The following AGBL5 variants were observed in gnomAD, a reference collection of about 807,000 sequenced individuals.
AGBL5 encodes cytosolic carboxypeptidase-like protein 5.
A neutral mutation model predicts 88.0 loss-of-function variants in AGBL5; 51 were observed. That is an observed-to-expected ratio of 0.58 (90% CI 0.46 to 0.73). AGBL5 has a LOEUF of 0.73. Ranked by LOEUF, AGBL5 falls within the 30% of genes least tolerant of loss-of-function variation. The pLI, the probability that AGBL5 is intolerant of heterozygous loss-of-function variation, is 0.00. For missense variants in AGBL5, 1,031 were observed against 1,162.2 expected, an observed-to-expected ratio of 0.89 and a Z score of 1.64; for synonymous variants, 446 against 438.8, an observed-to-expected ratio of 1.02 and a Z score of -0.21.
Position 27,053,371 on chromosome 2 carries a change from G to A in AGBL5, c.216-31G>A, listed in dbSNP as rs375548746. ...GACCATATCTCCAACCCTTCCACAC[G>A]TAATGACCTCTCTCTTACTCTGGTC... On this transcript the variant is annotated intron_variant, in intron 2 of 14. Coordinates refer to ENST00000360131, the MANE Select transcript of AGBL5 (RefSeq NM_021831.6). This position sits in a 1 kb window ranked among gnomAD's most constrained non-coding sequence, Gnocchi z 4.9. The A allele has an allele frequency of 4.4e-5, 71 of 1,608,692 alleles. No individual in the cohort carries two copies. The highest frequency in any genetic ancestry group is 1.5e-4 in the Admixed American group (9 of 59,570).
chr2:27,055,736 C>G lies in AGBL5; in HGVS notation c.963C>G (p.Val321=). ...GTCAGTACCTGAAGCCTGATGCCGTCCTGCACCCGGCCATCTATGGGGCCA... is the reference window on the plus strand; with the variant it reads ...GTCAGTACCTGAAGCCTGATGCCGTGCTGCACCCGGCCATCTATGGGGCCA... ...LNRQYLKPDA[V]LHPAIYGAKA... is the part of the protein sequence containing the mutation. The change falls in exon 7 of 15, where the codon GTC becomes GTG. Residue 321 remains valine, a synonymous_variant. Coordinates refer to ENST00000360131, the MANE Select transcript of AGBL5 (RefSeq NM_021831.6). 1 of 1,614,186 alleles carries G rather than the reference C, an allele frequency of 6.2e-7. No individual in the cohort carries two copies.
rs893326492 is a variant in AGBL5 at position 27,068,831 on chromosome 2, G to A, written c.2355+87G>A. 4.5e-6 allele frequency: 7 copies of A among 1,563,882 alleles called. No individual in the cohort carries two copies. In the African/African-American group the frequency reaches 9.4e-5, roughly 21 times the overall value. ...TGGGTAGTGGGAGGGAAAATGCTCA[G>A]CACTGCTTTACTGCATCTACCCTTG... On this transcript the variant is annotated intron_variant, in intron 13 of 14. Transcript: ENST00000360131.
At chr2:27,060,302 A>C (rs1668651155) in intron 11 of AGBL5, among the ~76,000 whole-genome samples, 1 of 152,234 alleles carries the variant, frequency 6.6e-6, no homozygotes, top group South Asian at 2.1e-4. Context: ...AGTAACCCCC[A>C]GGTTTTGCCT....
In AGBL5 at chr2:27,053,174, G is replaced by A; in HGVS notation, c.215+1G>A. ...AAACGGAATTTGAGAATGGGAACAG[G>A]TATATGGAACGAAATGGAGGGTGGA... is the stretch of plus-strand genomic sequence containing the variant. On this transcript the variant is annotated splice_donor_variant, in intron 2 of 14. Transcript: ENST00000360131. LOFTEE classifies it high-confidence loss of function. This position sits in a 1 kb window ranked among gnomAD's most constrained non-coding sequence, Gnocchi z 4.9. 1.9e-6 allele frequency: 3 copies of A among 1,584,310 alleles called. No individual in the cohort carries two copies. Among genetic ancestry groups the A allele is most frequent in the Non-Finnish European group, 2.6e-6 (3 of 1,162,614 alleles).
intron 1 of AGBL5, chr2:27,052,306 C>A (rs1425837130): frequency 6.6e-6 from 1 of 152,278 alleles, no homozygotes; most frequent in African/African-American, 2.4e-5. Flanking sequence ...GCAGAGGCAC[C>A]ACTGTTATAG....
In AGBL5 at chr2:27,070,448, C is replaced by T. The variant is rs1669232616; in HGVS notation, c.*185C>T. On this transcript the variant is annotated 3_prime_UTR_variant, in exon 15 of 15. Transcript: ENST00000360131. ...AGAACAAAACAGGGACCTGCCACCC[C>T]TTCCCTCCCTCCGCAGCACAAGATT... The T allele has an allele frequency of 5.2e-6, 3 of 579,046 alleles. No homozygotes were observed. Among genetic ancestry groups the T allele is most frequent in the Admixed American group, 3.1e-5 (1 of 32,614 alleles). 35.9% of individuals were successfully genotyped at this position (579,046 alleles called of 1,614,324 possible).
rs74942955 is a variant in AGBL5, at chr2:27,065,534, T to C, written c.2090-1960T>C. Among the ~76,000 whole-genome samples the C allele has an allele frequency of 7.6e-3, 1,152 of 152,322 alleles. 7 individuals carry two copies. Among genetic ancestry groups the C allele is most frequent in the South Asian group, 0.02 (98 of 4,830 alleles). On this transcript the variant is annotated intron_variant, in intron 11 of 14. Transcript: ENST00000360131. The stretch of plus-strand genomic sequence containing the variant: ...AGCATTTTACAGGCACTGGGATATA[T>C]AGTGTTGGAGGCAACAAAGTCCCTA...
At chr2:27,052,270 AGGTGAG>A (rs1341869616) in intron 1 of AGBL5, 1 of 152,404 alleles carries the variant, frequency 6.6e-6, no homozygotes, top group African/African-American at 2.4e-5. Context: ...TCCAGTCGCT[AGGTGAG>A]CCCAGTAGCC....
Position 27,059,970 on chromosome 2 carries a change from G to A in AGBL5, c.2089+566G>A, listed in dbSNP as rs185755424. ...TCAAGAACAGCCTGGCCAACATGGC[G>A]AAACCCCGTCTCTATTAAAAATACA... is the stretch of plus-strand genomic sequence containing the variant. On this transcript the variant is annotated intron_variant, in intron 11 of 14. Transcript: ENST00000360131. Among the ~76,000 whole-genome samples the A allele has an allele frequency of 6.1e-3, 929 of 152,232 alleles. 7 individuals carry two copies. Among genetic ancestry groups the A allele is most frequent in the Middle Eastern group, 0.01 (3 of 294 alleles).
Position 27,069,663 on chromosome 2 carries a change from G to A in AGBL5, c.2446G>A (p.Glu816Lys), listed in dbSNP as rs1572839022. 1 of 1,614,138 alleles carries A rather than the reference G, an allele frequency of 6.2e-7. No individual in the cohort carries two copies. Among genetic ancestry groups the A allele is most frequent in the Non-Finnish European group, 8.5e-7 (1 of 1,179,974 alleles). Residue 816 changes from glutamate (E) to lysine (K), a missense_variant, in exon 14 of 15, where the codon GAG (glutamate) becomes AAG (lysine). By Grantham distance (56) the Glu-to-Lys change is moderately conservative. Transcript: ENST00000360131. ...CACATCCCCTACCCCCCGGACCAGG[G>A]AGAGCAGTGAGCTGGAGCTGGGATC... ...GPTSPTPRTR[E>K]SSELELGSCS...
upstream of AGBL5, among the ~76,000 whole-genome samples, chr2:27,050,687 G>C (rs1668035041): frequency 6.6e-6 from 1 of 152,220 alleles, no homozygotes; most frequent in Non-Finnish European, 1.5e-5. Context: ...CTCCTGCCCT[G>C]GCAGGTTCCT....
upstream of AGBL5, chr2:27,051,290 A>G (rs890152906): frequency 2.0e-5 from 3 of 152,328 alleles, no homozygotes; most frequent in East Asian, 1.9e-4. Flanking sequence ...TCCTCCACTC[A>G]GCTTTTGCGT....
At chr2:27,068,841 A>C in intron 13 of AGBL5, 97 bp downstream of exon 13, 2 of 1,546,116 alleles carry the variant, frequency 1.3e-6, no homozygotes, top group Non-Finnish European at 1.7e-6. Flanking sequence ...GCACTGCTTT[A>C]CTGCATCTAC....
chr2:27,067,594 C>T lies in AGBL5; in HGVS notation c.2190C>T (p.Ala730=), dbSNP rs1669055718. 1.9e-6 allele frequency: 3 copies of T among 1,613,930 alleles called. No individual in the cohort carries two copies. The Admixed American group carries it at 5.0e-5, about 27-fold the overall frequency. The stretch of plus-strand genomic sequence containing the variant: ...CAGCTCCTACTAGTTCTGGCCCAGC[C>T]TCCTCACACAAGCTGGGCTCCTGTC... The part of the protein sequence containing the change: ...PSPAPTSSGP[A]SSHKLGSCLL... The change falls in exon 12 of 15, where the codon GCC becomes GCT. Residue 730 remains alanine, a synonymous_variant. Transcript: ENST00000360131.
At chr2:27,067,459 T>C (rs552010612) in intron 11 of AGBL5, 35 bp from the exon 12 acceptor site, 9 of 1,600,042 alleles carry the variant, frequency 5.6e-6, no homozygotes, top group East Asian at 2.2e-5. Flanking sequence ...CCCCACTTAT[T>C]TGCCCTTTTA....
At chr2:27,061,836 TAG>T (rs1177751026) in intron 11 of AGBL5, 11 of 151,796 alleles carry the variant, frequency 7.2e-5, no homozygotes, top group Admixed American at 6.6e-4. Context: ...TTATTTGAGA[TAG>T]AGTTTCGCTC....
In AGBL5 at chr2:27,058,400, G is replaced by A; in HGVS notation, c.1672G>A (p.Val558Met). Reference protein sequence around the residue: ...SRYTVELFEQVGRAMAIAALD... With the variant: ...SRYTVELFEQMGRAMAIAALD... ...TGAGCCAAACTGGACTACCCCACAG[G>A]TGGGACGAGCTATGGCCATTGCAGC... The change falls in exon 10 of 15, where the codon GTG (valine) becomes ATG (methionine). Residue 558 changes from valine to methionine, a missense_variant and splice_region_variant. By Grantham distance (21) the Val-to-Met change is conservative. Transcript: ENST00000360131. 6.2e-7 allele frequency: 1 copy of A among 1,612,826 alleles called. No individual in the cohort carries two copies. Among genetic ancestry groups the A allele is most frequent in the Non-Finnish European group, 8.5e-7 (1 of 1,180,014 alleles).
Position 27,070,483 on chromosome 2 carries a change from C to CAA in AGBL5, c.*227_*228dup. ...TCCGCAGCACAAGATTTTGGGACCA[C>CAA]AAAAAAAAGTCTATATTTTTATATT... is the stretch of plus-strand genomic sequence containing the variant. On this transcript the variant is annotated 3_prime_UTR_variant, in exon 15 of 15. Coordinates refer to ENST00000360131, the MANE Select transcript of AGBL5 (RefSeq NM_021831.6). 2.0e-6 allele frequency: 1 copy of CAA among 508,962 alleles called. No homozygotes were observed. Among genetic ancestry groups the CAA allele is most frequent in the African/African-American group, 1.9e-5 (1 of 52,176 alleles). 31.5% of individuals were successfully genotyped at this position (508,962 alleles called of 1,614,324 possible).
At chr2:27,058,336 C>G in intron 9 of AGBL5, 64 bp from the exon 10 acceptor site, 1 of 1,588,536 alleles carries the variant, frequency 6.3e-7, no homozygotes, top group Non-Finnish European at 8.6e-7. Context: ...GCTGTGTACC[C>G]ACCCCAAGGT....
Sources: allele counts gnomAD v4.1 joint callset (sites outside exome capture counted in the v4.1 genomes callset), GRCh38; gene constraint gnomAD v4.1.1; non-coding constraint Gnocchi (gnomAD v3.1); transcripts MANE v1.5; gene names NCBI Gene and HGNC (gene_info 2026-07-23, HGNC 2026-07-21).